The following RXFP1 variants were observed in gnomAD, a reference collection of about 807,000 sequenced individuals.
RXFP1 encodes the protein relaxin receptor 1.
A neutral mutation model predicts 89.8 loss-of-function variants in RXFP1; 73 were observed. The ratio of observed to expected loss-of-function variants is 0.81; its 90% CI spans 0.67 to 0.99. RXFP1 has a LOEUF of 0.99. Among genes scored for constraint, RXFP1 ranks in the 50% least tolerant of loss-of-function variants. The pLI is 0.00. For synonymous variants in RXFP1, 277 were observed against 305.5 expected (o/e 0.91, Z 0.97); for missense variants, 793 against 895.5 (o/e 0.89, Z 1.46).
At chr4:158,637,952 C>A (rs1324859637) in intron 12 of RXFP1, 56 bp from the exon 13 acceptor site, 14 of 1,046,052 alleles carry the variant, frequency 1.3e-5, no homozygotes, top group Non-Finnish European at 1.3e-5. Flanking sequence ...CAGATTCACT[C>A]GCTTTACTCA....
In RXFP1 at chr4:158,542,103, A is replaced by T. The variant is rs1434052441; in HGVS notation, c.49+20078A>T. Among the ~76,000 whole-genome samples, 115 of 41,588 alleles carry T rather than the reference A, an allele frequency of 2.8e-3. 5 individuals are homozygous for T. The highest frequency in any genetic ancestry group is 4.9e-3 in the African/African-American group (72 of 14,828). The allele number at this position is 41,588 out of a possible 152,430, so 27.3% of individuals were successfully genotyped here. A position where few individuals can be genotyped will look rare whatever the true frequency, so the allele number is the denominator to read the frequency against. ...GCTATATATATATATATATATATAT[A>T]TATATATTTTTTTTTTAGTAGAGAC... is the stretch of plus-strand genomic sequence containing the variant. On this transcript the variant is annotated intron_variant, in intron 1 of 17. Transcript: ENST00000307765.
At chr4:158,577,034 T>G (rs898336998) in intron 2 of RXFP1, among the ~76,000 whole-genome samples, 1 of 151,802 alleles carries the variant, frequency 6.6e-6, no homozygotes, top group Non-Finnish European at 1.5e-5. Context: ...CTTCTTCTTC[T>G]TCTTCTTTCT....
intron 1 of RXFP1, among the ~76,000 whole-genome samples, chr4:158,539,665 C>T (rs535728230): frequency 6.6e-6 from 1 of 152,252 alleles, no homozygotes; most frequent in African/African-American, 2.4e-5. Flanking sequence ...TGCTGCTTAG[C>T]ATTTCAGATA....
intron 13 of RXFP1, 133 bp downstream of exon 13, chr4:158,638,212 T>C (rs926713581): frequency 9.0e-6 from 5 of 555,588 alleles, no homozygotes; most frequent in South Asian, 2.8e-5. Context: ...CAAAAACATA[T>C]GGGTGCTTGC....
chr4:158,652,332 C>A lies in RXFP1; in HGVS notation c.*277C>A. ...TTTTCTAACATGCATTTATTGAGTA[C>A]CCACTACTATGTGCATAGCATTGCA... On this transcript the variant is annotated 3_prime_UTR_variant, in exon 18 of 18. Transcript: ENST00000307765. 1 of 327,284 alleles carries A rather than the reference C, an allele frequency of 3.1e-6. No homozygotes were observed. The allele number at this position is 327,284 out of a possible 1,614,324, so 20.3% of individuals were successfully genotyped here.
intron 2 of RXFP1, among the ~76,000 whole-genome samples, chr4:158,591,705 CACCACTGCA>C (rs1190165265): frequency 2.0e-5 from 3 of 152,042 alleles, no homozygotes; most frequent in African/African-American, 7.3e-5. Context: ...GCTGAGATTG[CACCACTGCA>C]TTCCAGCCTC....
At chr4:158,588,557 C>T (rs537418314) in intron 2 of RXFP1, among the ~76,000 whole-genome samples, 2 of 152,270 alleles carry the variant, frequency 1.3e-5, no homozygotes, top group South Asian at 2.1e-4. Context: ...CTGAAATCCC[C>T]TTCCACAATT....
chr4:158,611,598 C>T (rs950994189), intron 6 of RXFP1, among the ~76,000 whole-genome samples: 1 of 152,290 alleles, frequency 6.6e-6, no homozygotes, highest in East Asian at 1.9e-4. Flanking sequence ...ATAGCTCCTG[C>T]CTGTTCTTTG....
rs1450948041 is a variant in RXFP1 at position 158,652,709 on chromosome 4, C to G, written c.*654C>G. On this transcript the variant is annotated 3_prime_UTR_variant, in exon 18 of 18. Coordinates refer to ENST00000307765, the MANE Select transcript of RXFP1 (RefSeq NM_021634.4). ...CAGCACTTCTTTTGGCACTTCCTGC[C>G]CAGTTTTCTCTTTGCTTTAAATGAA... 4.6e-5 allele frequency: 7 copies of G among 152,266 alleles called. No individual in the cohort carries two copies. The South Asian group carries it at 1.5e-3, about 32-fold the overall frequency. The allele number at this position is 152,266 out of a possible 1,614,324, so 9.4% of individuals were successfully genotyped here.
At chr4:158,594,501 C>CTT (rs35917907) in intron 3 of RXFP1, among the ~76,000 whole-genome samples, 10 of 144,010 alleles carry the variant, frequency 6.9e-5, no homozygotes, top group African/African-American at 2.5e-4. Context: ...CTTTGTTTGA[C>CTT]TTTTTTTTTT....
rs769075413 is a variant in RXFP1, at chr4:158,633,397, T to G, written c.900-8T>G. On this transcript the variant is annotated splice_polypyrimidine_tract_variant and splice_region_variant and intron_variant, in intron 11 of 17. Transcript: ENST00000307765. Reference sequence around the variant, plus strand: ...AATAATATCACATATTTGCAATTATTTCTCCAGGGATTTAGGAAGTAATAA... The same window carrying G: ...AATAATATCACATATTTGCAATTATGTCTCCAGGGATTTAGGAAGTAATAA... 6.5e-7 allele frequency: 1 copy of G among 1,541,912 alleles called. No homozygotes were observed. The highest frequency in any genetic ancestry group is 8.9e-7 in the Non-Finnish European group (1 of 1,117,754).
Position 158,648,644 on chromosome 4 carries a change from A to G in RXFP1, c.1902A>G (p.Val634=). Residue 634 remains valine, a synonymous_variant, in exon 17 of 18, where the codon GTA becomes GTG. Transcript: ENST00000307765. ...MILAKRFFFI[V]FTDALCWIPI... is the part of the protein sequence containing the mutation. Reference sequence around the variant, plus strand: ...TTGCCAAACGTTTTTTCTTTATAGTATTTACTGATGCATTATGCTGGATAC... The same window carrying G: ...TTGCCAAACGTTTTTTCTTTATAGTGTTTACTGATGCATTATGCTGGATAC... 1 of 1,613,172 alleles carries G rather than the reference A, an allele frequency of 6.2e-7. No homozygotes were observed. The highest frequency in any genetic ancestry group is 8.5e-7 in the Non-Finnish European group (1 of 1,179,602).
intron 1 of RXFP1, among the ~76,000 whole-genome samples, chr4:158,565,479 A>G (rs1196096790): frequency 6.6e-6 from 1 of 152,198 alleles, no homozygotes; most frequent in Non-Finnish European, 1.5e-5. Context: ...CATTCTACCC[A>G]GAGAGGACCC....
chr4:158,642,683 G>C (rs562603417), intron 14 of RXFP1, among the ~76,000 whole-genome samples: 1 of 152,050 alleles, frequency 6.6e-6, no homozygotes, highest in East Asian at 1.9e-4. Flanking sequence ...CCATTCATCT[G>C]TTCATCAACA....
At chr4:158,644,660 G>A (rs1771174147) in intron 14 of RXFP1, among the ~76,000 whole-genome samples, 2 of 152,106 alleles carry the variant, frequency 1.3e-5, no homozygotes, top group Non-Finnish European at 2.9e-5. Context: ...TGTATTCTAA[G>A]ACATGTCTAA....
chr4:158,589,171 T>A lies in RXFP1; in HGVS notation c.188-4230T>A, dbSNP rs1016487889. 2.0e-5 allele frequency among the ~76,000 whole-genome samples: 3 copies of A among 152,130 alleles called. No individual in the cohort carries two copies. In the East Asian group the frequency reaches 5.8e-4, roughly 29 times the overall value. ...ACCATCAGATCTCATGAAAACTCAC[T>A]CACTAGCAGGAGAACAGCATGGGGG... On this transcript the variant is annotated intron_variant, in intron 2 of 17. Coordinates refer to ENST00000307765, the MANE Select transcript of RXFP1 (RefSeq NM_021634.4).
intron 1 of RXFP1, chr4:158,543,716 A>T (rs1252116607): frequency 3.1e-6 from 3 of 964,154 alleles, no homozygotes; most frequent in Non-Finnish European, 3.7e-6. Context: ...TTCTCTCCCT[A>T]GTACTTCCTC....
intron 6 of RXFP1, 109 bp downstream of exon 6, chr4:158,608,152 A>G (rs1251851159): frequency 1.4e-6 from 1 of 698,296 alleles, no homozygotes; most frequent in African/African-American, 1.8e-5. Context: ...GAGCCATGCA[A>G]GTGATGCTGA....
chr4:158,522,886 A>G (rs1240214078), intron 1 of RXFP1, among the ~76,000 whole-genome samples: 4 of 152,198 alleles, frequency 2.6e-5, no homozygotes, highest in Non-Finnish European at 4.4e-5. Flanking sequence ...AAAAGTTTGC[A>G]TAAGTTTTGT....
Sources: gnomAD v4.1 joint callset for allele counts (sites outside exome capture counted in the v4.1 genomes callset) on GRCh38, gnomAD v4.1.1 for gene constraint, MANE v1.5 for transcripts, NCBI Gene and HGNC (gene_info 2026-07-23, HGNC 2026-07-21) for gene names.